DNAH6: variants seen among roughly 807,000 people sequenced by gnomAD.
DNAH6 encodes the protein axonemal beta dynein heavy chain 6.
Under a neutral mutation model 491.4 loss-of-function variants are expected in DNAH6, and 340 were observed. That is an observed-to-expected ratio of 0.69 (90% CI 0.63 to 0.76). The LOEUF (loss-of-function observed/expected upper bound fraction) is 0.76. Ranked by LOEUF, DNAH6 falls within the 30% of genes least tolerant of loss-of-function variation. DNAH6 has a pLI of 0.00. For missense variants in DNAH6, 4,443 were observed against 4,972.2 expected (o/e 0.89, Z 3.20); for synonymous variants, 1,603 against 1,686.1 (o/e 0.95, Z 1.21).
Position 84,819,542 on chromosome 2 carries a change from TTC to T in DNAH6, c.*138_*139del. On this transcript the variant is annotated 3_prime_UTR_variant, in exon 77 of 77. Transcript: ENST00000389394. Reference sequence around the variant, plus strand: ...GACTTAAACGTATTGTGACTTTTATTTCTCTTATGACCTTAAAATAAAGTGTT... The same window carrying T: ...GACTTAAACGTATTGTGACTTTTATTTCTTATGACCTTAAAATAAAGTGTT... 1 of 567,184 alleles carries T rather than the reference TTC, an allele frequency of 1.8e-6. No homozygotes were observed. 35.1% of individuals were successfully genotyped at this position (567,184 alleles called of 1,614,324 possible).
intron 62 of DNAH6, among the ~76,000 whole-genome samples, chr2:84,740,374 G>A (rs1249783955): frequency 6.6e-6 from 1 of 152,198 alleles, no homozygotes; most frequent in Non-Finnish European, 1.5e-5. Context: ...AGCTGCTGGA[G>A]AAGCTTGAGA....
At chr2:84,727,637 C>A in intron 60 of DNAH6, 32 bp from the exon 61 acceptor site, 1 of 1,342,288 alleles carries the variant, frequency 7.4e-7, no homozygotes, top group South Asian at 1.3e-5. Context: ...TGAATTAAAT[C>A]AGAGACATTG....
chr2:84,642,183 C>T (rs987429486), intron 33 of DNAH6, 129 bp downstream of exon 33: 8 of 676,530 alleles, frequency 1.2e-5, no homozygotes, highest in South Asian at 1.1e-4. Flanking sequence ...ACTTATTTTG[C>T]AGTTTAAGAA....
intron 26 of DNAH6, 29 bp from the exon 27 acceptor site, chr2:84,624,236 T>C: frequency 6.6e-7 from 1 of 1,521,526 alleles, no homozygotes. Context: ...TATTGGAAAA[T>C]TCACCATGAC....
chr2:84,564,409 T>C lies in DNAH6; in HGVS notation c.1803+6474T>C, dbSNP rs147936143. Among the ~76,000 whole-genome samples, 15 of 152,256 alleles carry C rather than the reference T, an allele frequency of 9.9e-5. No individual in the cohort carries two copies. The East Asian group carries it at 2.9e-3, about 29-fold the overall frequency. On this transcript the variant is annotated intron_variant, in intron 11 of 76. Coordinates refer to ENST00000389394, the MANE Select transcript of DNAH6 (RefSeq NM_001370.2). ...GTAGAAATCTTTTATCTCCTTGGTT[T>C]GGCTGTATTCCTGGGCATTTCATTT...
At chr2:84,691,513 A>G (rs72832542) in intron 45 of DNAH6, among the ~76,000 whole-genome samples, 10 of 152,350 alleles carry the variant, frequency 6.6e-5, no homozygotes, top group South Asian at 2.1e-4. Flanking sequence ...AATGGTGCCT[A>G]TGGGTCTTCG....
chr2:84,695,337 T>C (rs1049569862), intron 46 of DNAH6, among the ~76,000 whole-genome samples: 2 of 151,656 alleles, frequency 1.3e-5, no homozygotes, highest in Non-Finnish European at 2.9e-5. Context: ...AAGTTGATAA[T>C]GGTAAAAAAT....
At chr2:84,775,053 G>T (rs1675993007) in intron 64 of DNAH6, among the ~76,000 whole-genome samples, 1 of 152,108 alleles carries the variant, frequency 6.6e-6, no homozygotes. Flanking sequence ...TTAAAAAGGA[G>T]TGATGAGAGT....
chr2:84,605,552 C>T lies in DNAH6; in HGVS notation c.3134C>T (p.Ser1045Phe), dbSNP rs1685678472. 4 of 1,551,558 alleles carry T rather than the reference C, an allele frequency of 2.6e-6. No individual in the cohort carries two copies. The highest frequency in any genetic ancestry group is 2.6e-6 in the Non-Finnish European group (3 of 1,146,936). ...TTTGTCATTCTGCCTCACCGTGACT[C>T]CAAAGATGTGTTTATACTGGGCGGC... The part of the protein sequence containing the change: ...TEFVILPHRD[S>F]KDVFILGGTD... The change falls in exon 20 of 77, where the codon TCC becomes TTC. Residue 1045 changes from serine (S) to phenylalanine (F), a missense_variant. Coordinates refer to ENST00000389394, the MANE Select transcript of DNAH6 (RefSeq NM_001370.2).
chr2:84,492,058 CCTT>C, the DNAH6 span, among the ~76,000 whole-genome samples: 3 of 152,142 alleles, frequency 2.0e-5, no homozygotes, highest in African/African-American at 7.2e-5. Context: ...ACCAGCTCAT[CCTT>C]GTTTGCTCAG....
chr2:84,524,182 T>C (rs1009301555), intron 2 of DNAH6, among the ~76,000 whole-genome samples: 1 of 152,010 alleles, frequency 6.6e-6, no homozygotes, highest in Non-Finnish European at 1.5e-5. Flanking sequence ...AATTGAACCC[T>C]TCACCATTAT....
chr2:84,562,805 C>T (rs1008545503), intron 11 of DNAH6, among the ~76,000 whole-genome samples: 8 of 152,150 alleles, frequency 5.3e-5, no homozygotes, highest in African/African-American at 1.9e-4. Flanking sequence ...TCATTAGGGT[C>T]TCAATGAGGA....
At chr2:84,570,952 G>A (rs913644036) in intron 11 of DNAH6, among the ~76,000 whole-genome samples, 30 of 152,038 alleles carry the variant, frequency 2.0e-4, no homozygotes, top group Admixed American at 2.0e-4. Context: ...AAACAACTCC[G>A]GACACACCAT....
chr2:84,637,497 A>G, intron 31 of DNAH6, 120 bp downstream of exon 31: 1 of 1,098,188 alleles, frequency 9.1e-7, no homozygotes, highest in Non-Finnish European at 1.2e-6. Context: ...CACATTATTA[A>G]GTGTAGATAT....
chr2:84,566,570 G>GA (rs1681212595), intron 11 of DNAH6, among the ~76,000 whole-genome samples: 1 of 151,890 alleles, frequency 6.6e-6, no homozygotes, highest in East Asian at 1.9e-4. Flanking sequence ...TAAATGGGAT[G>GA]ACTCAACATG....
intron 70 of DNAH6, among the ~76,000 whole-genome samples, chr2:84,801,307 A>G (rs1174642679): frequency 1.3e-5 from 2 of 151,910 alleles, no homozygotes; most frequent in Admixed American, 1.3e-4. Flanking sequence ...TGGAAAACAT[A>G]TTTGAGTATA....
chr2:84,780,125 A>C (rs1160587538), intron 64 of DNAH6, among the ~76,000 whole-genome samples: 2 of 151,948 alleles, frequency 1.3e-5, no homozygotes, highest in Non-Finnish European at 1.5e-5. Context: ...GGGGATGGTC[A>C]TCTTATATAG....
chr2:84,646,132 CTTTT>C (rs1430949724), intron 33 of DNAH6, among the ~76,000 whole-genome samples: 1 of 152,100 alleles, frequency 6.6e-6, no homozygotes, highest in Non-Finnish European at 1.5e-5. Context: ...ATATTTCAAA[CTTTT>C]TTATTATTGT....
At chr2:84,801,263 GAAAAAGAAAAAA>G (rs1272877646) in intron 70 of DNAH6, among the ~76,000 whole-genome samples, 1 of 118,626 alleles carries the variant, frequency 8.4e-6, no homozygotes, top group Non-Finnish European at 1.8e-5. Context: ...AAAAGAAAAA[GAAAAAGAAAAAA>G]AAAAAAAAGA....
Sources: allele counts gnomAD v4.1 joint callset (sites outside exome capture counted in the v4.1 genomes callset), GRCh38; gene constraint gnomAD v4.1.1; transcripts MANE v1.5; gene names NCBI Gene and HGNC (gene_info 2026-07-23, HGNC 2026-07-21).